ARHGAP15: variants seen among roughly 807,000 people sequenced by gnomAD.
ARHGAP15 encodes rho GTPase-activating protein 15.
A neutral mutation model predicts 63.7 loss-of-function variants in ARHGAP15; 51 were observed. The observed-to-expected ratio is 0.80, with a 90% CI of 0.64 to 1.01. The LOEUF is 1.01. Among genes scored for constraint, ARHGAP15 ranks in the 50% least tolerant of loss-of-function variants. ARHGAP15 has a pLI of 0.00. For synonymous variants in ARHGAP15, 191 were observed against 193.8 expected, an observed-to-expected ratio of 0.99 and a Z score of 0.12; for missense variants, 560 against 564.6, an observed-to-expected ratio of 0.99 and a Z score of 0.08.
intron 11 of ARHGAP15, among the ~76,000 whole-genome samples, chr2:143,564,544 C>T (rs1696147191): frequency 6.6e-6 from 1 of 152,160 alleles, no homozygotes; most frequent in South Asian, 2.1e-4. Flanking sequence ...GGTTTGGAAA[C>T]TCCCTGCACA....
intron 11 of ARHGAP15, among the ~76,000 whole-genome samples, chr2:143,571,182 A>C (rs189893613): frequency 6.6e-6 from 1 of 152,302 alleles, no homozygotes; most frequent in African/African-American, 2.4e-5. Context: ...GCAGGAAAAA[A>C]AGCTTGAGGT....
At chr2:143,482,175 T>C (rs536221525) in intron 8 of ARHGAP15, among the ~76,000 whole-genome samples, 2 of 152,264 alleles carry the variant, frequency 1.3e-5, no homozygotes, top group South Asian at 4.1e-4. Context: ...TAGTCTCTTA[T>C]GCAAATCAGA....
At chr2:143,471,613 G>T (rs1691581270) in intron 8 of ARHGAP15, among the ~76,000 whole-genome samples, 1 of 152,098 alleles carries the variant, frequency 6.6e-6, no homozygotes, top group South Asian at 2.1e-4. Context: ...AGGAGGGAAT[G>T]TTTGGGGACA....
In ARHGAP15 at chr2:143,275,844, T is replaced by C. The variant is rs574463770; in HGVS notation, c.474+25244T>C. Reference sequence around the variant, plus strand: ...ACCACTGTTCATTTGTTCATTTGTTTGACTTCCCAATGCTGAGCCATTTCC... The same window carrying C: ...ACCACTGTTCATTTGTTCATTTGTTCGACTTCCCAATGCTGAGCCATTTCC... On this transcript the variant is annotated intron_variant, in intron 6 of 13. Coordinates refer to ENST00000295095, the MANE Select transcript of ARHGAP15 (RefSeq NM_018460.4). Among the ~76,000 whole-genome samples the C allele has an allele frequency of 3.9e-5, 6 of 152,362 alleles. No homozygotes were observed. The East Asian group carries it at 1.2e-3, about 29-fold the overall frequency.
chr2:143,491,734 G>C (rs1011412425), intron 9 of ARHGAP15, among the ~76,000 whole-genome samples: 1 of 152,080 alleles, frequency 6.6e-6, no homozygotes, highest in Non-Finnish European at 1.5e-5. Flanking sequence ...TAGGGTAAAA[G>C]CTGGTTTGTT....
chr2:143,729,316 A>G (rs1015328328), intron 13 of ARHGAP15, among the ~76,000 whole-genome samples: 1 of 152,222 alleles, frequency 6.6e-6, no homozygotes, highest in African/African-American at 2.4e-5. Context: ...AGTAGAAATC[A>G]ATCAGGCTCT....
Position 143,416,956 on chromosome 2 carries a change from A to G in ARHGAP15, c.475-18645A>G, listed in dbSNP as rs986935562. ...CTTGGGATGGGGGTCAGGACTACCA[A>G]TTCGCTTTTCAGGGATTCTGGCAGG... is the stretch of plus-strand genomic sequence containing the variant. On this transcript the variant is annotated intron_variant, in intron 6 of 13. Coordinates refer to ENST00000295095, the MANE Select transcript of ARHGAP15 (RefSeq NM_018460.4). Among the ~76,000 whole-genome samples the G allele has an allele frequency of 3.3e-5, 5 of 151,540 alleles. No individual in the cohort carries two copies. In the East Asian group the frequency reaches 7.8e-4, roughly 24 times the overall value.
At chr2:143,662,926 A>C (rs904091395) in intron 12 of ARHGAP15, among the ~76,000 whole-genome samples, 3 of 145,082 alleles carry the variant, frequency 2.1e-5, no homozygotes, top group African/African-American at 7.8e-5. Context: ...GAAAAGACCA[A>C]CTCTACGTCT....
At chr2:143,647,179 G>A (rs932390991) in intron 12 of ARHGAP15, among the ~76,000 whole-genome samples, 4 of 151,734 alleles carry the variant, frequency 2.6e-5, no homozygotes, top group Non-Finnish European at 4.4e-5. Flanking sequence ...AGAAGACCTA[G>A]AGTATGATAT....
Position 143,216,442 on chromosome 2 carries a change from T to A in ARHGAP15, c.293T>A (p.Leu98Gln), listed in dbSNP as rs764158566. 57 of 1,600,442 alleles carry A rather than the reference T, an allele frequency of 3.6e-5. No individual in the cohort carries two copies. Among genetic ancestry groups the A allele is most frequent in the Non-Finnish European group, 4.2e-5 (49 of 1,171,338 alleles). ...KAKIADGGKK[L>Q]RKNWSTSWIV... Reference sequence around the variant, plus strand: ...AAAATTGCAGATGGAGGAAAGAAACTAAGGTAATAAAATTCTTTAATTCAC... The same window carrying A: ...AAAATTGCAGATGGAGGAAAGAAACAAAGGTAATAAAATTCTTTAATTCAC... The change falls in exon 4 of 14, where the codon CTA (leucine) becomes CAA (glutamine). Residue 98 changes from leucine to glutamine, a missense_variant. By Grantham distance (113) the Leu-to-Gln change is moderately radical. Transcript: ENST00000295095.
intron 8 of ARHGAP15, chr2:143,471,978 G>A (rs13004397): frequency 0.25 from 38,562 of 152,094 alleles, 5,805 homozygotes; most frequent in East Asian, 0.69. Flanking sequence ...TCACAGCTCA[G>A]TTCCTTGGAT....
At chr2:143,361,741 A>G (rs903531293) in intron 6 of ARHGAP15, among the ~76,000 whole-genome samples, 11 of 152,154 alleles carry the variant, frequency 7.2e-5, no homozygotes, top group African/African-American at 2.4e-4. Flanking sequence ...CTATTAATTG[A>G]ATTTCTACCA....
At chr2:143,751,612 C>G (rs903883005) in intron 13 of ARHGAP15, among the ~76,000 whole-genome samples, 1 of 152,152 alleles carries the variant, frequency 6.6e-6, no homozygotes, top group Non-Finnish European at 1.5e-5. Flanking sequence ...CTCCATCCTC[C>G]ACTCTCTATT....
chr2:143,620,321 C>A (rs776940805), intron 11 of ARHGAP15, among the ~76,000 whole-genome samples: 5 of 152,122 alleles, frequency 3.3e-5, no homozygotes, highest in Non-Finnish European at 7.3e-5. Context: ...TCCATTGCTA[C>A]CTAACAATTT....
At chr2:143,496,240 C>A (rs1232067401) in intron 9 of ARHGAP15, among the ~76,000 whole-genome samples, 4 of 151,958 alleles carry the variant, frequency 2.6e-5, no homozygotes, top group African/African-American at 9.7e-5. Context: ...ATACAGGACA[C>A]CATGCGAGAT....
intron 13 of ARHGAP15, among the ~76,000 whole-genome samples, chr2:143,710,594 A>G (rs1193027509): frequency 6.6e-6 from 1 of 152,220 alleles, no homozygotes; most frequent in Non-Finnish European, 1.5e-5. Context: ...GAATGGTAAC[A>G]TTCACCACTG....
intron 9 of ARHGAP15, among the ~76,000 whole-genome samples, chr2:143,502,056 G>A (rs1693088355): frequency 1.3e-5 from 2 of 152,158 alleles, no homozygotes; most frequent in African/African-American, 4.8e-5. Context: ...ACAGTCCATT[G>A]GAAAATGTTT....
chr2:143,719,105 G>A (rs1022071480), intron 13 of ARHGAP15, among the ~76,000 whole-genome samples: 1 of 152,204 alleles, frequency 6.6e-6, no homozygotes, highest in Non-Finnish European at 1.5e-5. Flanking sequence ...ACCGCTGTAA[G>A]GGGTGGGCAA....
At chr2:143,259,528 C>A (rs1030936525) in intron 6 of ARHGAP15, among the ~76,000 whole-genome samples, 3 of 152,096 alleles carry the variant, frequency 2.0e-5, no homozygotes, top group African/African-American at 4.8e-5. Flanking sequence ...AGATGGACTG[C>A]AAAGAATGCT....
Sources: allele counts gnomAD v4.1 joint callset (sites outside exome capture counted in the v4.1 genomes callset), GRCh38; gene constraint gnomAD v4.1.1; transcripts MANE v1.5; gene names NCBI Gene and HGNC (gene_info 2026-07-23, HGNC 2026-07-21).